PPP1CB: variants seen among roughly 807,000 people sequenced by gnomAD.
PPP1CB encodes protein phosphatase 1 catalytic subunit beta, also known as serine/threonine-protein phosphatase PP1-beta catalytic subunit.
A neutral mutation model predicts 43.7 loss-of-function variants in PPP1CB; 2 were observed. The observed-to-expected ratio is 0.05, with a 90% CI of 0.02 to 0.14. PPP1CB has a LOEUF of 0.14. Ranked by LOEUF, PPP1CB falls within the 10% of genes least tolerant of loss-of-function variation. The probability of loss-of-function intolerance (pLI) is 1.00; values close to 1 mark genes in which losing one functional copy is unlikely to be tolerated. For synonymous variants in PPP1CB, 136 were observed against 135.6 expected (o/e 1.00, Z -0.02); for missense variants, 84 against 398.0 (o/e 0.21, Z 6.71).
At chr2:28,791,089 G>T (rs989152161) in intron 6 of PPP1CB, among the ~76,000 whole-genome samples, 3 of 152,146 alleles carry the variant, frequency 2.0e-5, no homozygotes, top group Admixed American at 6.5e-5. Flanking sequence ...TAATAAAAGC[G>T]TATTTAATTA....
chr2:28,752,539 G>A (rs893731281), intron 1 of PPP1CB, among the ~76,000 whole-genome samples: 1 of 152,202 alleles, frequency 6.6e-6, no homozygotes, highest in African/African-American at 2.4e-5. Context: ...GGGAGAGGAT[G>A]CCTGCCACTG....
At chr2:28,756,350 G>A (rs1666488835) in intron 1 of PPP1CB, among the ~76,000 whole-genome samples, 2 of 152,132 alleles carry the variant, frequency 1.3e-5, no homozygotes, top group South Asian at 4.1e-4. Context: ...GTTTGTACCT[G>A]TTTTGTTTTT....
intron 1 of PPP1CB, among the ~76,000 whole-genome samples, chr2:28,763,706 AG>A (rs1666713804): frequency 1.9e-5 from 1 of 53,864 alleles, no homozygotes; most frequent in Non-Finnish European, 6.1e-5. Context: ...AATCCACGTT[AG>A]TTATTCTTTT....
chr2:28,791,591 G>A (rs542014421), intron 6 of PPP1CB, among the ~76,000 whole-genome samples: 14 of 152,138 alleles, frequency 9.2e-5, no homozygotes. Context: ...GCCTCCCAAA[G>A]TGCTGGGATT....
intron 4 of PPP1CB, 112 bp downstream of exon 4, chr2:28,781,954 A>C (rs768326851): frequency 1.3e-6 from 1 of 764,492 alleles, no homozygotes; most frequent in South Asian, 1.5e-5. Flanking sequence ...TGAAAACTCA[A>C]GTGATTAAAA....
rs765526543 is a variant in PPP1CB, at chr2:28,781,846, G to A, written c.520+4G>A. 6.2e-6 allele frequency: 10 copies of A among 1,603,220 alleles called. No individual in the cohort carries two copies. Among genetic ancestry groups the A allele is most frequent in the South Asian group, 1.1e-5 (1 of 90,650 alleles). On this transcript the variant is annotated splice_donor_region_variant and intron_variant, in intron 4 of 7. Transcript: ENST00000395366. ...AAGATCTTCTGTTGTCATGGAGGTA[G>A]ACTAGTAAATTTGCCTTACAGATTT... is the stretch of plus-strand genomic sequence containing the variant.
Position 28,800,254 on chromosome 2 carries a change from T to A in PPP1CB, c.*951T>A, listed in dbSNP as rs1302174240. The stretch of plus-strand genomic sequence containing the variant: ...TTTTTTTTTTTTTTTTTTTTTGAGT[T>A]GTTGTTTGTTTTTAGATCCACAGTA... On this transcript the variant is annotated 3_prime_UTR_variant, in exon 8 of 8. Transcript: ENST00000395366. 3 of 135,602 alleles carry A rather than the reference T, an allele frequency of 2.2e-5. No individual in the cohort carries two copies. Among genetic ancestry groups the A allele is most frequent in the South Asian group, 2.4e-4 (1 of 4,214 alleles). 8.4% of individuals were successfully genotyped at this position (135,602 alleles called of 1,614,324 possible).
chr2:28,777,109 AGT>A (rs1667058992), intron 2 of PPP1CB, 127 bp downstream of exon 2: 2 of 992,604 alleles, frequency 2.0e-6, no homozygotes, highest in South Asian at 2.0e-5. Context: ...ACTAAATAAA[AGT>A]GTATAAAAAT....
intron 1 of PPP1CB, among the ~76,000 whole-genome samples, chr2:28,771,195 A>C (rs1278161552): frequency 2.0e-5 from 3 of 151,870 alleles, no homozygotes; most frequent in African/African-American, 7.3e-5. Context: ...CTGGGATTAC[A>C]GGCACCTGCC....
chr2:28,754,619 G>A (rs1296356405), intron 1 of PPP1CB, among the ~76,000 whole-genome samples: 1 of 152,126 alleles, frequency 6.6e-6, no homozygotes, highest in Non-Finnish European at 1.5e-5. Flanking sequence ...AATATTCTAG[G>A]TTTTTCAGCT....
chr2:28,784,282 G>A (rs1407325209), intron 5 of PPP1CB, among the ~76,000 whole-genome samples: 2 of 152,080 alleles, frequency 1.3e-5, no homozygotes, highest in South Asian at 2.1e-4. Flanking sequence ...CATTGGTTAT[G>A]TTCTTCAAAA....
upstream of PPP1CB, chr2:28,751,793 G>A (rs1426870969): frequency 4.8e-6 from 2 of 416,094 alleles, no homozygotes; most frequent in South Asian, 4.3e-5. Flanking sequence ...AGTGAGTGGC[G>A]CTGCGGGTGG....
chr2:28,797,495 G>A (rs761538323), intron 7 of PPP1CB, among the ~76,000 whole-genome samples: 3 of 151,938 alleles, frequency 2.0e-5, no homozygotes, highest in Non-Finnish European at 2.9e-5. Flanking sequence ...TTCAGTCTTC[G>A]GAGTTTGTGT....
At chr2:28,752,575 G>T (rs1440848360) in intron 1 of PPP1CB, among the ~76,000 whole-genome samples, 1 of 152,344 alleles carries the variant, frequency 6.6e-6, no homozygotes, top group African/African-American at 2.4e-5. Context: ...TGGAATCACT[G>T]TTCTTCTCTG....
upstream of PPP1CB, chr2:28,751,809 T>A (rs1306743692): frequency 2.3e-6 from 1 of 426,626 alleles, no homozygotes; most frequent in Non-Finnish European, 4.3e-6. Flanking sequence ...GGTGGGGCCG[T>A]CGGCGGCGCT....
chr2:28,762,780 A>G (rs984331465), intron 1 of PPP1CB, among the ~76,000 whole-genome samples: 3 of 152,234 alleles, frequency 2.0e-5, no homozygotes, highest in African/African-American at 7.2e-5. Context: ...AGTTATGCAG[A>G]TGTCCAGATG....
chr2:28,800,843 A>T lies in PPP1CB; in HGVS notation c.*1540A>T, dbSNP rs1667599879. On this transcript the variant is annotated 3_prime_UTR_variant, in exon 8 of 8. Transcript: ENST00000395366. The stretch of plus-strand genomic sequence containing the variant: ...ATTTTTGACCTTAATATCGTCTTTG[A>T]AAATGTTAAATTGAGAAACCTGTTA... The T allele has an allele frequency of 6.6e-6, 1 of 152,534 alleles. No individual in the cohort carries two copies. Among genetic ancestry groups the T allele is most frequent in the African/African-American group, 2.4e-5 (1 of 41,452 alleles). 9.4% of individuals were successfully genotyped at this position (152,534 alleles called of 1,614,324 possible).
At chr2:28,760,002 G>A (rs1038692704) in intron 1 of PPP1CB, among the ~76,000 whole-genome samples, 2 of 152,060 alleles carry the variant, frequency 1.3e-5, no homozygotes, top group African/African-American at 2.4e-5. Flanking sequence ...AAAAAGCTTC[G>A]TTATCCTGGG....
chr2:28,767,304 A>G (rs1278433880), intron 1 of PPP1CB, among the ~76,000 whole-genome samples: 1 of 151,956 alleles, frequency 6.6e-6, no homozygotes, highest in Non-Finnish European at 1.5e-5. Flanking sequence ...TTGCTTTACT[A>G]TGAATTGGGA....
Sources: allele counts gnomAD v4.1 joint callset (sites outside exome capture counted in the v4.1 genomes callset), GRCh38; gene constraint gnomAD v4.1.1; transcripts MANE v1.5; gene names NCBI Gene and HGNC (gene_info 2026-07-23, HGNC 2026-07-21).